Variants in MIA2 observed in about 807,000 individuals in gnomAD.
The protein encoded by MIA2 is MIA SH3 domain ER export factor 2, also known as melanoma inhibitory activity protein 2.
A neutral mutation model predicts 167.8 loss-of-function variants in MIA2; 127 were observed. That is an observed-to-expected ratio of 0.76 (90% confidence interval 0.66 to 0.88). The LOEUF (loss-of-function observed/expected upper bound fraction) is 0.88. Among genes scored for constraint, MIA2 ranks in the 40% least tolerant of loss-of-function variants. MIA2 has a pLI of 0.00. For missense variants in MIA2, 1,690 were observed against 1,624.7 expected (o/e 1.04, Z -0.69); for synonymous variants, 552 against 541.9 (o/e 1.02, Z -0.26).
intron 7 of MIA2, among the ~76,000 whole-genome samples, chr14:39,277,709 T>A (rs1305000064): frequency 8.5e-4 from 6 of 7,046 alleles, no homozygotes; most frequent in Admixed American, 2.2e-3. Flanking sequence ...TATATATATA[T>A]ATATATGTGT....
intron 6 of MIA2, chr14:39,266,881 TCGC>T (rs1268432595): frequency 2.3e-5 from 17 of 736,978 alleles, no homozygotes; most frequent in East Asian, 1.3e-4. Context: ...AGGAGAAGTC[TCGC>T]CGCCGCCGCC....
intron 23 of MIA2, among the ~76,000 whole-genome samples, chr14:39,374,277 C>A (rs977511251): frequency 1.3e-5 from 2 of 152,118 alleles, no homozygotes; most frequent in African/African-American, 2.4e-5. Context: ...AAAAGTAGAT[C>A]TATACCTAAG....
chr14:39,292,572 T>C (rs1376354222), intron 10 of MIA2: 2 of 174,320 alleles, frequency 1.1e-5, no homozygotes, highest in African/African-American at 4.8e-5. Flanking sequence ...TGGGGTAATA[T>C]GTATAAACAA....
At chr14:39,277,704 A>T (rs1231494457) in intron 7 of MIA2, among the ~76,000 whole-genome samples, 36 of 6,472 alleles carry the variant, frequency 5.6e-3, no homozygotes, top group African/African-American at 0.025. Flanking sequence ...ATATATATAT[A>T]TATATATATA....
chr14:39,368,596 T>C (rs983525566), intron 23 of MIA2, among the ~76,000 whole-genome samples: 20 of 152,244 alleles, frequency 1.3e-4, no homozygotes, highest in African/African-American at 4.3e-4. Context: ...TCTGAAATTC[T>C]GGGAATTTTT....
chr14:39,372,726 A>G (rs751812278), intron 23 of MIA2, among the ~76,000 whole-genome samples: 8 of 152,220 alleles, frequency 5.3e-5, no homozygotes, highest in Non-Finnish European at 1.2e-4. Context: ...AGTTGTATGG[A>G]CTAGTGTTTT....
intron 23 of MIA2, chr14:39,385,357 CA>C: frequency 1.1e-6 from 1 of 936,096 alleles, no homozygotes; most frequent in Non-Finnish European, 1.7e-6. Context: ...CTCACTTGCA[CA>C]AACAAGACAT....
chr14:39,382,188 T>C (rs571882727), intron 23 of MIA2, among the ~76,000 whole-genome samples: 19 of 152,346 alleles, frequency 1.2e-4, no homozygotes, highest in Non-Finnish European at 7.3e-5. Flanking sequence ...AAAGGAGTTG[T>C]ACAGCAAAAT....
chr14:39,274,768 C>G (rs2057699788), intron 6 of MIA2, among the ~76,000 whole-genome samples: 1 of 151,316 alleles, frequency 6.6e-6, no homozygotes, highest in African/African-American at 2.4e-5. Flanking sequence ...CCAGATCTAA[C>G]CAGCTCAAGG....
chr14:39,386,277 T>C, intron 23 of MIA2: 1 of 1,451,480 alleles, frequency 6.9e-7, no homozygotes, highest in Non-Finnish European at 9.7e-7. Flanking sequence ...GTCGGTAATT[T>C]CTCTGAGGAA....
chr14:39,241,308 C>T (rs146144301), intron 3 of MIA2, among the ~76,000 whole-genome samples: 6 of 152,140 alleles, frequency 3.9e-5, no homozygotes, highest in Admixed American at 1.3e-4. Flanking sequence ...ATAAGGTCAG[C>T]GAGAAGTGAG....
chr14:39,252,449 A>G (rs1161919206), intron 4 of MIA2, among the ~76,000 whole-genome samples: 1 of 152,208 alleles, frequency 6.6e-6, no homozygotes, highest in Non-Finnish European at 1.5e-5. Context: ...ATTCTGCCCT[A>G]GAGCCTCCTG....
Position 39,388,081 on chromosome 14 carries a change from A to G in MIA2, c.*1129A>G, listed in dbSNP as rs1176125083. Reference sequence around the variant, plus strand: ...GTAGTGGTCTGGAACTGAACCTGCAATATCTCCAAGGTAGGGCTGTACCAT... The same window carrying G: ...GTAGTGGTCTGGAACTGAACCTGCAGTATCTCCAAGGTAGGGCTGTACCAT... On this transcript the variant is annotated 3_prime_UTR_variant, in exon 24 of 24. Transcript: ENST00000341502. The surrounding 1 kb of genome is among the most constrained non-coding windows in gnomAD (Gnocchi z 4.1). 1.3e-5 allele frequency: 2 copies of G among 152,232 alleles called. No homozygotes were observed. The highest frequency in any genetic ancestry group is 6.5e-5 in the Admixed American group (1 of 15,282). 9.4% of individuals were successfully genotyped at this position (152,232 alleles called of 1,614,324 possible).
At chr14:39,260,397 T>C (rs545862209) in intron 6 of MIA2, among the ~76,000 whole-genome samples, 46 of 152,352 alleles carry the variant, frequency 3.0e-4, no homozygotes, top group African/African-American at 9.6e-4. Flanking sequence ...ATGATCACCA[T>C]TTCAACTGGT....
intron 9 of MIA2, among the ~76,000 whole-genome samples, chr14:39,287,762 C>T (rs1303774389): frequency 6.6e-6 from 1 of 151,926 alleles, no homozygotes; most frequent in African/African-American, 2.4e-5. Context: ...GGGGTTTCAC[C>T]ATGTTGGCCA....
intron 12 of MIA2, among the ~76,000 whole-genome samples, chr14:39,294,398 A>G (rs921623913): frequency 6.6e-6 from 1 of 151,870 alleles, no homozygotes; most frequent in African/African-American, 2.4e-5. Flanking sequence ...GGGTTTCACC[A>G]TGATGGCCAG....
At chr14:39,267,445 A>G (rs1393181836) in intron 6 of MIA2, 3 of 1,611,776 alleles carry the variant, frequency 1.9e-6, no homozygotes, top group Non-Finnish European at 2.5e-6. Flanking sequence ...CGACCACGAG[A>G]GCAGCTTTGG....
intron 6 of MIA2, among the ~76,000 whole-genome samples, chr14:39,264,840 T>C (rs2055359363): frequency 1.3e-5 from 2 of 152,340 alleles, no homozygotes; most frequent in South Asian, 4.1e-4. Context: ...GAACAAAGTT[T>C]ACTGGTTAGC....
At chr14:39,302,613 C>T (rs111599867) in intron 15 of MIA2, among the ~76,000 whole-genome samples, 1 of 152,136 alleles carries the variant, frequency 6.6e-6, no homozygotes, top group African/African-American at 2.4e-5. Context: ...AACAAGTGTT[C>T]TATAAATACT....
Sources: allele counts gnomAD v4.1 joint callset (sites outside exome capture counted in the v4.1 genomes callset), GRCh38; gene constraint gnomAD v4.1.1; non-coding constraint Gnocchi (gnomAD v3.1); transcripts MANE v1.5; gene names NCBI Gene and HGNC (gene_info 2026-07-23, HGNC 2026-07-21).